The following EHMT2 variants were observed in gnomAD, a reference collection of about 807,000 sequenced individuals.
EHMT2 encodes the protein euchromatic histone lysine methyltransferase 2.
EHMT2 carries 59 observed loss-of-function variants against 143.3 expected under a neutral mutation model. The ratio of observed to expected loss-of-function variants is 0.41; its 90% confidence interval spans 0.33 to 0.51. EHMT2 has a LOEUF of 0.51. Among genes scored for constraint, EHMT2 ranks in the 20% least tolerant of loss-of-function variants. The probability of loss-of-function intolerance (pLI) is 0.18; values close to 1 mark genes in which losing one functional copy is unlikely to be tolerated. For synonymous variants in EHMT2, 604 were observed against 651.5 expected (o/e 0.93, Z 1.11); for missense variants, 1,174 against 1,645.9 (o/e 0.71, Z 4.96).
intron 7 of EHMT2, among the ~76,000 whole-genome samples, chr6:31,891,045 C>T (rs1765617229): frequency 1.3e-5 from 2 of 151,530 alleles, no homozygotes; most frequent in Non-Finnish European, 2.9e-5. Context: ...CAGGTTCAAG[C>T]GATTCTCCTG....
rs578018407 is a variant in EHMT2, at chr6:31,893,154, A to G, written c.583-244T>C. 1.3e-5 allele frequency: 7 copies of G among 540,824 alleles called. No individual in the cohort carries two copies. In the Admixed American group the frequency reaches 2.4e-4, roughly 19 times the overall value. The allele number at this position is 540,824 out of a possible 1,614,324, so 33.5% of individuals were successfully genotyped here. On this transcript the variant is annotated intron_variant, in intron 4 of 27. Coordinates refer to ENST00000375537, the Ensembl canonical transcript of EHMT2. ...CCCTTTTCCATTTTACAGATGAGAAAACAAAGCTTAATAAAGTTAAAAGAC... is the reference window on the plus strand; with the variant it reads ...CCCTTTTCCATTTTACAGATGAGAAGACAAAGCTTAATAAAGTTAAAAGAC...
rs1014807770 is a variant in EHMT2, at chr6:31,895,233, C to G, written c.582+1030G>C. Reference sequence around the variant, plus strand: ...TGTACCTGACTAGGGTGCTGCTTCACCCATTATCTTCATGTGCCTAATATC... The same window carrying G: ...TGTACCTGACTAGGGTGCTGCTTCAGCCATTATCTTCATGTGCCTAATATC... On this transcript the variant is annotated intron_variant, in intron 4 of 27. Transcript: ENST00000375537. Among the ~76,000 whole-genome samples the G allele has an allele frequency of 1.3e-5, 2 of 152,084 alleles. 1 individual carries two copies. The highest frequency in any genetic ancestry group is 4.1e-4 in the South Asian group (2 of 4,824).
chr6:31,884,929 C>T lies in EHMT2; in HGVS notation c.2431G>A (p.Val811Ile), dbSNP rs374845356. Residue 811 changes from valine (V) to isoleucine (I), a missense_variant, in exon 19 of 28, where the codon GTC becomes ATC. Val to Ile is a conservative substitution (Grantham distance 29). Around this residue, in one of 6 missense-constraint regions of EHMT2, gnomAD observed 608 missense variants for 903.7 expected, o/e 0.67. Coordinates refer to ENST00000375537, the Ensembl canonical transcript of EHMT2. The surrounding 1 kb of genome is among the most constrained non-coding windows in gnomAD (Gnocchi z 7.3). ...TCACTCACGTTGTCAGTGAGGGTGA[C>T]GTCGGCGCCCCGCGTCAGTAGCATG... is the stretch of plus-strand genomic sequence containing the variant. 1.7e-5 allele frequency: 27 copies of T among 1,605,702 alleles called. No individual in the cohort carries two copies. The highest frequency in any genetic ancestry group is 5.5e-5 in the South Asian group (5 of 90,874).
Position 31,884,421 on chromosome 6 carries a change from C to A in EHMT2, c.2742G>T (p.Arg914=). The A allele has an allele frequency of 6.2e-7, 1 of 1,612,604 alleles. No homozygotes were observed. Among genetic ancestry groups the A allele is most frequent in the Non-Finnish European group, 8.5e-7 (1 of 1,179,974 alleles). Reference sequence around the variant, plus strand: ...AGATGATCTTCTCTGTGCGGATGGCCCGATTTCCCACCCCAAGTCGGAGCT... The same window carrying A: ...AGATGATCTTCTCTGTGCGGATGGCACGATTTCCCACCCCAAGTCGGAGCT... Residue 914 remains arginine (R), a synonymous_variant, in exon 21 of 28, where the codon CGG becomes CGT. Coordinates refer to ENST00000375537, the Ensembl canonical transcript of EHMT2. The surrounding 1 kb of genome is among the most constrained non-coding windows in gnomAD (Gnocchi z 7.3).
rs997776056 is a variant in EHMT2, at chr6:31,892,345, T to C, written c.864+62A>G. ...CAGAAAAACAGGGAACAAGGAGGAC[T>C]GGACAGTGAGCCCCAGCCCTGGGGG... is the stretch of plus-strand genomic sequence containing the variant. On this transcript the variant is annotated intron_variant, in intron 7 of 27. Coordinates refer to ENST00000375537, the Ensembl canonical transcript of EHMT2. The C allele has an allele frequency of 2.3e-5, 37 of 1,575,380 alleles. No homozygotes were observed. In the Admixed American group the frequency reaches 2.5e-4, roughly 11 times the overall value.
At chr6:31,895,874 G>T in intron 4 of EHMT2, 1 of 189,876 alleles carries the variant, frequency 5.3e-6, no homozygotes, top group Non-Finnish European at 1.1e-5. Flanking sequence ...TATTATTTCT[G>T]TGGCCCTCAT....
chr6:31,897,687 C>A, upstream of EHMT2: 1 of 1,105,002 alleles, frequency 9.0e-7, no homozygotes, highest in East Asian at 3.8e-5. Context: ...TCGCCGCTTG[C>A]GCTGGGGGCC....
chr6:31,881,309 G>A lies in EHMT2; in HGVS notation c.3198-217C>T. 1.6e-6 allele frequency: 1 copy of A among 615,962 alleles called. No individual in the cohort carries two copies. The highest frequency in any genetic ancestry group is 2.9e-6 in the Non-Finnish European group (1 of 343,838). The allele number at this position is 615,962 out of a possible 1,614,324, so 38.2% of individuals were successfully genotyped here. On this transcript the variant is annotated intron_variant, in intron 25 of 27. Transcript: ENST00000375537. The surrounding 1 kb of genome is among the most constrained non-coding windows in gnomAD (Gnocchi z 4.8). ...CAGTCAGCACAGAGACAGACAACAA[G>A]CTCTGTGGTTAAGGGGATTAATGTG...
At chr6:31,886,412 A>T (rs567302576) in intron 18 of EHMT2, 169 bp downstream of exon 18, 1 of 618,710 alleles carries the variant, frequency 1.6e-6, no homozygotes, top group East Asian at 2.8e-5. Context: ...AGAGAAAGAA[A>T]CGAGAAAGAA....
Position 31,891,114 on chromosome 6 carries a change from G to T in EHMT2, c.864+1293C>A, listed in dbSNP as rs1348936552. Among the ~76,000 whole-genome samples the T allele has an allele frequency of 2.6e-5, 4 of 151,976 alleles. No individual in the cohort carries two copies. In the East Asian group the frequency reaches 5.8e-4, roughly 22 times the overall value. ...CGTACCACTACGTCCAGCTAATTTT[G>T]TATTTTTTTCAGTAGAGACGGGGTT... is the stretch of plus-strand genomic sequence containing the variant. On this transcript the variant is annotated intron_variant, in intron 7 of 27. Coordinates refer to ENST00000375537, the Ensembl canonical transcript of EHMT2.
intron 4 of EHMT2, among the ~76,000 whole-genome samples, chr6:31,894,115 C>T (rs1409791333): frequency 6.6e-6 from 1 of 151,938 alleles, no homozygotes; most frequent in Non-Finnish European, 1.5e-5. Context: ...GCTGGAACTA[C>T]AGGCACATGC....
Position 31,883,586 on chromosome 6 carries a change from A to G in EHMT2, c.2917-147T>C. 1 of 990,832 alleles carries G rather than the reference A, an allele frequency of 1.0e-6. No individual in the cohort carries two copies. Among genetic ancestry groups the G allele is most frequent in the South Asian group, 1.5e-5 (1 of 66,520 alleles). 61.4% of individuals were successfully genotyped at this position (990,832 alleles called of 1,614,324 possible). ...TGGTGATGGTCCTAGGGTGACGGGT[A>G]ATCAGTATGGTGGTGTCCCCAGGGC... On this transcript the variant is annotated intron_variant, in intron 22 of 27. Transcript: ENST00000375537. This position sits in a 1 kb window ranked among gnomAD's most constrained non-coding sequence, Gnocchi z 5.6.
At position 31,888,305 on chromosome 6, in the gene EHMT2, T is replaced by C. The variant is rs1037838619; in HGVS notation, c.1510-29A>G. 8 of 1,611,892 alleles carry C rather than the reference T, an allele frequency of 5.0e-6. No homozygotes were observed. Among genetic ancestry groups the C allele is most frequent in the Non-Finnish European group, 6.8e-6 (8 of 1,179,436 alleles). ...GGAGCAGGGAAACGACATGGTCAGG[T>C]TACTGGGGCCCCCTCTGCCACAGGG... On this transcript the variant is annotated intron_variant, in intron 12 of 27. Transcript: ENST00000375537. The surrounding 1 kb of genome is among the most constrained non-coding windows in gnomAD (Gnocchi z 7.4).
At position 31,888,245 on chromosome 6, in the gene EHMT2, C is replaced by G; in HGVS notation, c.1541G>C (p.Arg514Pro). ...GGCCTTGTGGAAGCGGTGGGCCACA[C>G]GGAAGTCAGGGTGGCACTCCAGGAA... Residue 514 changes from arginine (R) to proline (P), a missense_variant, in exon 13 of 28, where the codon CGT (arginine) becomes CCT (proline). Transcript: ENST00000375537. This position sits in a 1 kb window ranked among gnomAD's most constrained non-coding sequence, Gnocchi z 7.4. 5 of 1,612,938 alleles carry G rather than the reference C, an allele frequency of 3.1e-6. No homozygotes were observed. The highest frequency in any genetic ancestry group is 4.2e-6 in the Non-Finnish European group (5 of 1,179,950).
chr6:31,884,304 G>A lies in EHMT2; in HGVS notation c.2771+88C>T. ...TTCAGTGGTGCATGGGGAGGGGTTG[G>A]GGAATGTTGTGAGGATGCAATGGAG... On this transcript the variant is annotated intron_variant, in intron 21 of 27. Transcript: ENST00000375537. The surrounding 1 kb of genome is among the most constrained non-coding windows in gnomAD (Gnocchi z 7.3). The A allele has an allele frequency of 6.8e-7, 1 of 1,465,184 alleles. No individual in the cohort carries two copies. Among genetic ancestry groups the A allele is most frequent in the Admixed American group, 1.9e-5 (1 of 53,254 alleles). The allele number at this position is 1,465,184 out of a possible 1,614,324, so 90.8% of individuals were successfully genotyped here. A position where few individuals can be genotyped will look rare whatever the true frequency, so the allele number is the denominator to read the frequency against.
intron 18 of EHMT2, chr6:31,886,005 T>C: frequency 6.6e-6 from 1 of 151,578 alleles, no homozygotes; most frequent in Non-Finnish European, 1.5e-5. Context: ...GAGAATGGCG[T>C]GAACCTGGGA....
Position 31,881,773 on chromosome 6 carries a change from G to C in EHMT2, c.3198-681C>G, listed in dbSNP as rs1764138781. Among the ~76,000 whole-genome samples, 1 of 152,200 alleles carries C rather than the reference G, an allele frequency of 6.6e-6. No individual in the cohort carries two copies. Among genetic ancestry groups the C allele is most frequent in the Non-Finnish European group, 1.5e-5 (1 of 68,040 alleles). ...ATGGAAAGAAACTGGATGGTCTGTT[G>C]AACAGGCAAGTATGGTTAGAGGACT... On this transcript the variant is annotated intron_variant, in intron 25 of 27. Coordinates refer to ENST00000375537, the Ensembl canonical transcript of EHMT2. The surrounding 1 kb of genome is among the most constrained non-coding windows in gnomAD (Gnocchi z 4.8).
At chr6:31,890,263 TTTC>T (rs1310739175) in intron 7 of EHMT2, among the ~76,000 whole-genome samples, 2 of 151,970 alleles carry the variant, frequency 1.3e-5, no homozygotes, top group Non-Finnish European at 2.9e-5. Flanking sequence ...AAAAAAAATC[TTTC>T]TTATTTATTT....
intron 25 of EHMT2, 99 bp downstream of exon 25, chr6:31,882,600 G>T: frequency 8.5e-7 from 1 of 1,179,484 alleles, no homozygotes; most frequent in Non-Finnish European, 1.2e-6. Flanking sequence ...ATGGAGACAT[G>T]TGACTCATCA....
Sources: allele counts gnomAD v4.1 joint callset (sites outside exome capture counted in the v4.1 genomes callset), GRCh38; gene constraint gnomAD v4.1.1; regional missense constraint gnomAD v4.1.1; non-coding constraint Gnocchi (gnomAD v3.1); transcripts MANE v1.5; gene names NCBI Gene and HGNC (gene_info 2026-07-23, HGNC 2026-07-21).